The following USH2A variants were observed in gnomAD, a reference collection of about 807,000 sequenced individuals.
USH2A encodes the protein Usher syndrome 2A (autosomal recessive, mild).
Under a neutral mutation model 538.9 loss-of-function variants are expected in USH2A, and 443 were observed. The ratio of observed to expected loss-of-function variants is 0.82; its 90% CI spans 0.76 to 0.89. The LOEUF (loss-of-function observed/expected upper bound fraction) is 0.89. USH2A is among the 40% of genes least tolerant of loss of function. The probability of loss-of-function intolerance (pLI) is 0.00; values close to 1 mark genes in which losing one functional copy is unlikely to be tolerated. For missense variants in USH2A, 6,633 were observed against 6,324.8 expected (o/e 1.05, Z -1.65); for synonymous variants, 2,413 against 2,273.5 (o/e 1.06, Z -1.75).
At chr1:216,400,347 G>C (rs1317754294) in intron 3 of USH2A, among the ~76,000 whole-genome samples, 2 of 150,820 alleles carry the variant, frequency 1.3e-5, no homozygotes, top group South Asian at 2.1e-4. Flanking sequence ...TCCTGAACCT[G>C]AAGGAAATCA....
At chr1:216,108,812 C>T (rs1265941135) in intron 21 of USH2A, among the ~76,000 whole-genome samples, 1 of 151,938 alleles carries the variant, frequency 6.6e-6, no homozygotes. Flanking sequence ...CTTCTTAGAG[C>T]TATCATTTAT....
At chr1:216,125,341 G>A (rs1363851770) in intron 21 of USH2A, among the ~76,000 whole-genome samples, 5 of 151,882 alleles carry the variant, frequency 3.3e-5, no homozygotes, top group East Asian at 1.9e-4. Context: ...TCAGTGAATC[G>A]CTATTAGCTG....
chr1:216,223,072 A>T (rs2035490079), intron 14 of USH2A, among the ~76,000 whole-genome samples: 1 of 151,982 alleles, frequency 6.6e-6, no homozygotes, highest in Non-Finnish European at 1.5e-5. Context: ...TCCATAAGAA[A>T]CACAGGCCTG....
intron 54 of USH2A, among the ~76,000 whole-genome samples, chr1:215,780,816 T>C (rs1234904001): frequency 1.3e-5 from 2 of 152,238 alleles, no homozygotes. Flanking sequence ...TCAGAAAGGT[T>C]TCCAGAAGTC....
intron 43 of USH2A, among the ~76,000 whole-genome samples, chr1:215,869,056 T>G (rs1664557278): frequency 6.6e-6 from 1 of 152,204 alleles, no homozygotes; most frequent in Non-Finnish European, 1.5e-5. Flanking sequence ...TCCAGACAAC[T>G]AAAAAATAAT....
chr1:216,354,301 T>C (rs2038340528), intron 4 of USH2A, among the ~76,000 whole-genome samples: 1 of 152,162 alleles, frequency 6.6e-6, no homozygotes, highest in African/African-American at 2.4e-5. Flanking sequence ...CCTCTTTCAT[T>C]CTTTTACGCA....
Position 215,680,483 on chromosome 1 carries a change from C to A in USH2A, c.12067-107G>T. The A allele has an allele frequency of 2.9e-6, 3 of 1,048,966 alleles. No homozygotes were observed. In the South Asian group the frequency reaches 4.0e-5, roughly 14 times the overall value. The allele number at this position is 1,048,966 out of a possible 1,614,324, so 65.0% of individuals were successfully genotyped here. A position where few individuals can be genotyped will look rare whatever the true frequency, so the allele number is the denominator to read the frequency against. On this transcript the variant is annotated intron_variant, in intron 61 of 71. Coordinates refer to ENST00000307340, the MANE Select transcript of USH2A (RefSeq NM_206933.4). ...CATGGCCAAAGCTTGTAGGCAACAG[C>A]AGCGCAAACACTACAGCAGAGTTTT...
At chr1:216,094,600 T>C (rs2032393420) in intron 22 of USH2A, among the ~76,000 whole-genome samples, 2 of 152,246 alleles carry the variant, frequency 1.3e-5, no homozygotes, top group Admixed American at 1.3e-4. Context: ...TATTATTCAC[T>C]GATGCTTCTT....
rs1195656220 is a variant in USH2A at position 215,934,661 on chromosome 1, C to T, written c.7255G>A (p.Gly2419Ser). ...GTTATAGGATCAGTTATCAAGCTGCCTTGGCTATTTGAAATATTCACTTGT... is the reference window on the plus strand; with the variant it reads ...GTTATAGGATCAGTTATCAAGCTGCTTTGGCTATTTGAAATATTCACTTGT... ...TVQVNISNSQ[G>S]SLITDPITIA... Residue 2419 changes from glycine to serine, a missense_variant, in exon 38 of 72, where the codon GGC (glycine) becomes AGC (serine). By Grantham distance (56) the Gly-to-Ser change is moderately conservative. Transcript: ENST00000307340. 1.2e-6 allele frequency: 2 copies of T among 1,612,702 alleles called. No homozygotes were observed.
intron 15 of USH2A, among the ~76,000 whole-genome samples, chr1:216,210,842 A>G (rs965041983): frequency 5.9e-5 from 9 of 152,098 alleles, no homozygotes; most frequent in Non-Finnish European, 1.2e-4. Context: ...TTAGCTGGGC[A>G]TGGTGGCACA....
chr1:215,850,447 G>A lies in USH2A; in HGVS notation c.8846-4414C>T, dbSNP rs141692531. ...GGGCCCCATGCATCTGGACTGAGAT[G>A]TGAAGGAGCAATTGGCCGTCTATGA... On this transcript the variant is annotated intron_variant, in intron 44 of 71. Coordinates refer to ENST00000307340, the MANE Select transcript of USH2A (RefSeq NM_206933.4). Among the ~76,000 whole-genome samples, 380 of 152,262 alleles carry A rather than the reference G, an allele frequency of 2.5e-3. 1 individual carries two copies. The highest frequency in any genetic ancestry group is 8.7e-3 in the African/African-American group (360 of 41,548).
intron 61 of USH2A, among the ~76,000 whole-genome samples, chr1:215,708,136 A>G (rs1482700362): frequency 1.3e-5 from 2 of 152,084 alleles, no homozygotes; most frequent in African/African-American, 4.8e-5. Flanking sequence ...CTAAAGACCA[A>G]TTTGCAAAAG....
Position 215,712,394 on chromosome 1 carries a change from T to A in USH2A, c.12066+15636A>T, listed in dbSNP as rs1020220705. On this transcript the variant is annotated intron_variant, in intron 61 of 71. Coordinates refer to ENST00000307340, the MANE Select transcript of USH2A (RefSeq NM_206933.4). ...TTAGCATCTCAAGGGTGGATGCACA[T>A]GTGTGTCCTCATCGCCTTTGCTGTC... 3.9e-5 allele frequency among the ~76,000 whole-genome samples: 6 copies of A among 152,340 alleles called. No individual in the cohort carries two copies. In the South Asian group the frequency reaches 1.0e-3, roughly 26 times the overall value.
intron 3 of USH2A, among the ~76,000 whole-genome samples, chr1:216,391,844 A>T (rs758076746): frequency 1.1e-4 from 16 of 152,204 alleles, no homozygotes; most frequent in Non-Finnish European, 1.9e-4. Context: ...TCTTAATCCT[A>T]TATTGAACCA....
intron 40 of USH2A, among the ~76,000 whole-genome samples, chr1:215,896,014 A>G (rs1282781926): frequency 1.3e-5 from 2 of 152,212 alleles, no homozygotes; most frequent in Non-Finnish European, 2.9e-5. Context: ...TCATCATCTT[A>G]TGGGTCCACC....
intron 3 of USH2A, among the ~76,000 whole-genome samples, chr1:216,397,411 G>A (rs1418887300): frequency 6.6e-6 from 1 of 152,186 alleles, no homozygotes; most frequent in African/African-American, 2.4e-5. Flanking sequence ...GTTTCTTGAT[G>A]TATCTATTGC....
rs1400287664 is a variant in USH2A at position 215,814,097 on chromosome 1, CT to C, written c.9571-194del. Among the ~76,000 whole-genome samples the C allele has an allele frequency of 2.0e-5, 3 of 150,270 alleles. No homozygotes were observed. The East Asian group carries it at 5.8e-4, about 29-fold the overall frequency. ...ATAAATGTTATTTGATAGAATGCAG[CT>C]TTTTTGAAGTCTTCAACCATGCTTT... On this transcript the variant is annotated intron_variant, in intron 48 of 71. Coordinates refer to ENST00000307340, the MANE Select transcript of USH2A (RefSeq NM_206933.4).
At chr1:216,200,806 A>T (rs1186473705) in intron 16 of USH2A, among the ~76,000 whole-genome samples, 3 of 152,140 alleles carry the variant, frequency 2.0e-5, no homozygotes, top group Non-Finnish European at 4.4e-5. Flanking sequence ...CAGGAAACAC[A>T]CTGTAGGACT....
Position 215,624,148 on chromosome 1 carries a change from A to T in USH2A, c.*1633T>A, listed in dbSNP as rs556847333. ...TATATATTTCGTATTTTCTACAGTC[A>T]CTGCCAGATGTGCACAATTATTTCA... On this transcript the variant is annotated 3_prime_UTR_variant, in exon 72 of 72. Coordinates refer to ENST00000307340, the MANE Select transcript of USH2A (RefSeq NM_206933.4). The T allele has an allele frequency of 6.6e-6, 1 of 152,322 alleles. No individual in the cohort carries two copies. Among genetic ancestry groups the T allele is most frequent in the East Asian group, 1.9e-4 (1 of 5,182 alleles). 9.4% of individuals were successfully genotyped at this position (152,322 alleles called of 1,614,324 possible).
Sources: allele counts gnomAD v4.1 joint callset (sites outside exome capture counted in the v4.1 genomes callset), GRCh38; gene constraint gnomAD v4.1.1; transcripts MANE v1.5; gene names NCBI Gene and HGNC (gene_info 2026-07-23, HGNC 2026-07-21).